The following SLC35F4 variants were observed in gnomAD, a reference collection of about 807,000 sequenced individuals.
The protein encoded by SLC35F4 is solute carrier family 35 member F4.
Under a neutral mutation model 44.2 loss-of-function variants are expected in SLC35F4, and 24 were observed. The observed-to-expected ratio is 0.54, with a 90% CI of 0.39 to 0.76. SLC35F4 has a LOEUF of 0.76. SLC35F4 is among the 30% of genes least tolerant of loss of function. The pLI is 0.00. For missense variants in SLC35F4, 562 were observed against 586.1 expected (o/e 0.96, Z 0.42); for synonymous variants, 238 against 223.6 (o/e 1.06, Z -0.57).
At chr14:57,828,321 C>A (rs1286753407) in intron 1 of SLC35F4, among the ~76,000 whole-genome samples, 1 of 152,018 alleles carries the variant, frequency 6.6e-6, no homozygotes, top group Non-Finnish European at 1.5e-5. Flanking sequence ...GGACTGAAAC[C>A]ACCACATCAG....
intron 1 of SLC35F4, among the ~76,000 whole-genome samples, chr14:57,829,363 G>C (rs1884114847): frequency 6.6e-6 from 1 of 152,142 alleles, no homozygotes; most frequent in Non-Finnish European, 1.5e-5. Flanking sequence ...TTCAAAGCTG[G>C]AGCAGCTCCC....
At chr14:57,789,078 A>G (rs1035612045) in intron 1 of SLC35F4, among the ~76,000 whole-genome samples, 7 of 152,228 alleles carry the variant, frequency 4.6e-5, no homozygotes, top group Non-Finnish European at 8.8e-5. Flanking sequence ...TAAAATCGAC[A>G]ACCTAACATC....
intron 4 of SLC35F4, chr14:57,579,100 T>C (rs547233906): frequency 1.6e-4 from 24 of 152,364 alleles, no homozygotes; most frequent in African/African-American, 4.6e-4. Context: ...TGTGTGTCTC[T>C]TTTGTGAGTC....
intron 1 of SLC35F4, chr14:57,629,969 A>G: frequency 5.8e-6 from 3 of 520,436 alleles, no homozygotes; most frequent in Non-Finnish European, 1.2e-5. Flanking sequence ...GACACCAGGT[A>G]TGAAGATTTA....
In SLC35F4 at chr14:57,728,450, T is replaced by C. The variant is rs1416981135; in HGVS notation, c.104-134326A>G. ...TCTTTTTTCTTTCTTTCTTTTTTTT[T>C]TTTTTTTTTTTTTTTTGAGATGGAG... is the stretch of plus-strand genomic sequence containing the variant. On this transcript the variant is annotated intron_variant, in intron 1 of 7. Coordinates refer to ENST00000556826, the MANE Select transcript of SLC35F4 (RefSeq NM_001306087.2). 3.9e-5 allele frequency among the ~76,000 whole-genome samples: 5 copies of C among 127,922 alleles called. No homozygotes were observed. The South Asian group carries it at 8.5e-4, about 22-fold the overall frequency. The allele number at this position is 127,922 out of a possible 152,430, so 83.9% of individuals were successfully genotyped here.
intron 1 of SLC35F4, among the ~76,000 whole-genome samples, chr14:57,915,650 C>T (rs1256395685): frequency 2.1e-5 from 3 of 144,934 alleles, no homozygotes; most frequent in Non-Finnish European, 4.6e-5. Context: ...ACATTTCAGC[C>T]ACGGTCTTTG....
intron 1 of SLC35F4, among the ~76,000 whole-genome samples, chr14:57,927,890 A>G (rs1358039858): frequency 1.3e-5 from 2 of 152,086 alleles, no homozygotes; most frequent in Non-Finnish European, 2.9e-5. Context: ...ACTATGCCTC[A>G]TGTTTTTGAT....
intron 1 of SLC35F4, among the ~76,000 whole-genome samples, chr14:57,922,169 T>C (rs1178911512): frequency 2.0e-5 from 3 of 152,186 alleles, no homozygotes; most frequent in Non-Finnish European, 4.4e-5. Context: ...TATAGGATGT[T>C]CAAAATTTTT....
At chr14:57,736,008 C>T (rs1465671698) in intron 1 of SLC35F4, among the ~76,000 whole-genome samples, 3 of 152,118 alleles carry the variant, frequency 2.0e-5, no homozygotes, top group Non-Finnish European at 4.4e-5. Flanking sequence ...AGTCACTGTT[C>T]CTGGCTAGAC....
At chr14:57,977,834 T>A (rs1267792062) in intron 1 of SLC35F4, among the ~76,000 whole-genome samples, 1 of 152,114 alleles carries the variant, frequency 6.6e-6, no homozygotes, top group Admixed American at 6.5e-5. Context: ...CGAAAGACAG[T>A]GGAGAAAGGA....
At chr14:57,750,847 A>G (rs2076867562) in intron 1 of SLC35F4, among the ~76,000 whole-genome samples, 2 of 152,146 alleles carry the variant, frequency 1.3e-5, no homozygotes, top group Non-Finnish European at 1.5e-5. Context: ...GTTAATTTGT[A>G]GGCAGTTTCA....
chr14:57,607,767 G>C (rs1221644606), intron 1 of SLC35F4, among the ~76,000 whole-genome samples: 1 of 152,192 alleles, frequency 6.6e-6, no homozygotes, highest in Non-Finnish European at 1.5e-5. Context: ...CTTGTTAAGA[G>C]AAAACTGGAT....
intron 1 of SLC35F4, among the ~76,000 whole-genome samples, chr14:57,650,128 G>T (rs992572619): frequency 3.3e-5 from 5 of 152,084 alleles, no homozygotes; most frequent in Middle Eastern, 3.4e-3. Context: ...TGGAGCGCCC[G>T]AGGTCTGGTC....
chr14:57,591,282 C>T (rs1177594685), intron 2 of SLC35F4, among the ~76,000 whole-genome samples: 2 of 138,766 alleles, frequency 1.4e-5, no homozygotes, highest in African/African-American at 2.5e-5. Context: ...CAGACAAGTA[C>T]TTGTTGAGGA....
chr14:57,922,702 G>C (rs1409903449), intron 1 of SLC35F4, among the ~76,000 whole-genome samples: 1 of 152,146 alleles, frequency 6.6e-6, no homozygotes, highest in Non-Finnish European at 1.5e-5. Flanking sequence ...CAAATCTCTG[G>C]AATGGACAAT....
rs1250774014 is a variant in SLC35F4, at chr14:57,900,792, T to C, written n.282+81121A>G. ...GTCTATCCATCTGACAAAGGTCTAA[T>C]ATCCAGAATCTACAAGGAACTTAAA... On this transcript the variant is annotated intron_variant and non_coding_transcript_variant, in intron 1 of 1. Coordinates refer to the SLC35F4 transcript ENST00000556568. 3.3e-5 allele frequency among the ~76,000 whole-genome samples: 5 copies of C among 152,196 alleles called. No individual in the cohort carries two copies. The South Asian group carries it at 1.0e-3, about 32-fold the overall frequency.
intron 1 of SLC35F4, among the ~76,000 whole-genome samples, chr14:57,833,476 A>G (rs564712581): frequency 1.3e-5 from 2 of 152,322 alleles, no homozygotes; most frequent in East Asian, 1.9e-4. Context: ...AACACAGAAG[A>G]CTGGGCTCTG....
intron 1 of SLC35F4, among the ~76,000 whole-genome samples, chr14:57,705,859 C>G (rs149514027): frequency 2.0e-5 from 3 of 152,192 alleles, no homozygotes; most frequent in Non-Finnish European, 4.4e-5. Flanking sequence ...GATGTTTCCT[C>G]GAAGTTAGTT....
At chr14:57,948,672 T>C (rs937816984) in intron 1 of SLC35F4, among the ~76,000 whole-genome samples, 1 of 152,176 alleles carries the variant, frequency 6.6e-6, no homozygotes, top group African/African-American at 2.4e-5. Flanking sequence ...AGGCCTTTAA[T>C]GCTATAAACT....
Sources: allele counts gnomAD v4.1 joint callset (sites outside exome capture counted in the v4.1 genomes callset), GRCh38; gene constraint gnomAD v4.1.1; transcripts MANE v1.5; gene names NCBI Gene and HGNC (gene_info 2026-07-23, HGNC 2026-07-21).